The following IGFL1 variants were observed in gnomAD, a reference collection of about 807,000 sequenced individuals.
IGFL1 encodes the protein IGF like family member 1.
A neutral mutation model predicts 16.0 loss-of-function variants in IGFL1; 16 were observed. That is an observed-to-expected ratio of 1.00 (90% CI 0.68 to 1.52). The LOEUF (loss-of-function observed/expected upper bound fraction) is 1.52. IGFL1 is among the 40% of genes most tolerant of loss of function. The pLI is 0.00. For missense variants in IGFL1, 149 were observed against 141.7 expected (o/e 1.05, Z -0.26); for synonymous variants, 59 against 54.0 (o/e 1.09, Z -0.41).
At chr19:46,229,985 T>G in intron 1 of IGFL1, 123 bp from the exon 2 acceptor site, 1 of 1,301,078 alleles carries the variant, frequency 7.7e-7, no homozygotes, top group South Asian at 1.2e-5. Context: ...CAGCCCTGTT[T>G]CAGTCCCTGA....
At chr19:46,230,586 G>T in intron 3 of IGFL1, 69 bp downstream of exon 3, 1 of 1,588,002 alleles carries the variant, frequency 6.3e-7, no homozygotes, top group East Asian at 2.2e-5. Flanking sequence ...CCTGGGTGGA[G>T]CCCCCATTCT....
At position 46,229,763 on chromosome 19, in the gene IGFL1, C is replaced by A. The variant is rs1344958071; in HGVS notation, c.-12C>A. The stretch of plus-strand genomic sequence containing the variant: ...TGATCCCCTCCTCACTCCACTGCAA[C>A]CACCCAGAGCCATGGCTCCCCGAGG... On this transcript the variant is annotated 5_prime_UTR_variant, in exon 1 of 4. Coordinates refer to ENST00000437936, the MANE Select transcript of IGFL1 (RefSeq NM_198541.2). 6 of 1,603,712 alleles carry A rather than the reference C, an allele frequency of 3.7e-6. No individual in the cohort carries two copies. In the South Asian group the frequency reaches 4.5e-5, roughly 12 times the overall value.
intron 3 of IGFL1, 81 bp downstream of exon 3, chr19:46,230,598 C>T: frequency 1.3e-6 from 2 of 1,572,956 alleles, no homozygotes; most frequent in Non-Finnish European, 1.7e-6. Context: ...CCCCATTCTC[C>T]TTGTCTCCCT....
rs1365657940 is a variant in IGFL1, at chr19:46,230,162, G to A, written c.79+1G>A. The stretch of plus-strand genomic sequence containing the variant: ...CTCCTCTGCTCACACGGAGCCCCAG[G>A]TGAGCCCAGGAGTGTTTGGGAAGCT... On this transcript the variant is annotated splice_donor_variant, in intron 2 of 3. Coordinates refer to ENST00000437936, the MANE Select transcript of IGFL1 (RefSeq NM_198541.2). LOFTEE classifies it high-confidence loss of function. 3 of 1,613,926 alleles carry A rather than the reference G, an allele frequency of 1.9e-6. No individual in the cohort carries two copies. The highest frequency in any genetic ancestry group is 2.2e-5 in the East Asian group (1 of 44,878).
rs376555746 is a variant in IGFL1 at position 46,230,282 on chromosome 19, A to G, written c.88A>G (p.Met30Val). The G allele has an allele frequency of 9.3e-6, 15 of 1,613,830 alleles. No homozygotes were observed. In the African/African-American group the frequency reaches 2.0e-4, roughly 22 times the overall value. The change falls in exon 3 of 4, where the codon ATG (methionine) becomes GTG (valine). Residue 30 changes from methionine to valine, a missense_variant. Transcript: ENST00000437936. ...AGCTCTGTCTCCTCCAGTGGCCCCC[A>G]TGACTCCTTACCTGATGCTGTGCCA... ...LCSHGAPVAP[M>V]TPYLMLCQPH...
Position 46,230,256 on chromosome 19 carries a change from C to T in IGFL1, c.80-18C>T. ...CCTGCCACTACCTCCTGGATCTCAC[C>T]AGCTCTGTCTCCTCCAGTGGCCCCC... is the stretch of plus-strand genomic sequence containing the variant. On this transcript the variant is annotated intron_variant, in intron 2 of 3. Coordinates refer to ENST00000437936, the MANE Select transcript of IGFL1 (RefSeq NM_198541.2). 6.2e-7 allele frequency: 1 copy of T among 1,613,864 alleles called. No homozygotes were observed.
Position 46,230,860 on chromosome 19 carries a change from A to G in IGFL1, c.*30A>G. 9 of 1,603,756 alleles carry G rather than the reference A, an allele frequency of 5.6e-6. No individual in the cohort carries two copies. The highest frequency in any genetic ancestry group is 7.7e-6 in the Non-Finnish European group (9 of 1,174,050). On this transcript the variant is annotated 3_prime_UTR_variant, in exon 4 of 4. Transcript: ENST00000437936. ...ACATCAGGGGAACGATGACTCCTGGATTCTCCTTCCTGGGTGGGCCTGGAG... is the reference window on the plus strand; with the variant it reads ...ACATCAGGGGAACGATGACTCCTGGGTTCTCCTTCCTGGGTGGGCCTGGAG...
Position 46,229,813 on chromosome 19 carries a change from G to A in IGFL1, c.25+14G>A, listed in dbSNP as rs759245323. On this transcript the variant is annotated intron_variant, in intron 1 of 3. Transcript: ENST00000437936. ...GCTGCATCGTAGGTAAGGAGGACAGGACCCCATTCCCACCTGAGCCCATCT... is the reference window on the plus strand; with the variant it reads ...GCTGCATCGTAGGTAAGGAGGACAGAACCCCATTCCCACCTGAGCCCATCT... 4.3e-5 allele frequency: 69 copies of A among 1,604,926 alleles called. No homozygotes were observed. Among genetic ancestry groups the A allele is most frequent in the Non-Finnish European group, 4.6e-5 (54 of 1,176,212 alleles).
At position 46,230,302 on chromosome 19, in the gene IGFL1, G is replaced by A; in HGVS notation, c.108G>A (p.Leu36=). The A allele has an allele frequency of 1.9e-6, 3 of 1,613,980 alleles. No individual in the cohort carries two copies. The highest frequency in any genetic ancestry group is 2.5e-6 in the Non-Finnish European group (3 of 1,179,886). The change falls in exon 3 of 4, where the codon CTG becomes CTA. Residue 36 remains leucine, a synonymous_variant. Transcript: ENST00000437936. ...PVAPMTPYLM[L]CQPHKRCGDK... ...CCCCCATGACTCCTTACCTGATGCT[G>A]TGCCAGCCACACAAGAGATGTGGGG...
chr19:46,229,979 C>G (rs948234951), intron 1 of IGFL1, 129 bp from the exon 2 acceptor site: 1 of 1,264,574 alleles, frequency 7.9e-7, no homozygotes, highest in African/African-American at 1.5e-5. Flanking sequence ...CATCCACAGC[C>G]CTGTTTCAGT....
Position 46,230,474 on chromosome 19 carries a change from A to C in IGFL1, c.280A>C (p.Asn94His). ...CTTCATGGTGAAGCTGATAAACCAG[A>C]ACTGCGACTCAGCCCGGACCTCGGA... The part of the protein sequence containing the change: ...WTFMVKLINQ[N>H]CDSARTSDDR... The change falls in exon 3 of 4, where the codon AAC (asparagine) becomes CAC (histidine). Residue 94 changes from asparagine (N) to histidine (H), a missense_variant. Coordinates refer to ENST00000437936, the MANE Select transcript of IGFL1 (RefSeq NM_198541.2). The C allele has an allele frequency of 6.2e-7, 1 of 1,614,012 alleles. No homozygotes were observed. The highest frequency in any genetic ancestry group is 8.5e-7 in the Non-Finnish European group (1 of 1,179,892).
chr19:46,230,284 G>A lies in IGFL1; in HGVS notation c.90G>A (p.Met30Ile). The change falls in exon 3 of 4, where the codon ATG (methionine) becomes ATA (isoleucine). Residue 30 changes from methionine (M) to isoleucine (I), a missense_variant. Physicochemically the swap from Met to Ile is conservative, Grantham distance 10. Transcript: ENST00000437936. ...CTCTGTCTCCTCCAGTGGCCCCCAT[G>A]ACTCCTTACCTGATGCTGTGCCAGC... ...LCSHGAPVAP[M>I]TPYLMLCQPH... 6.2e-7 allele frequency: 1 copy of A among 1,613,974 alleles called. No homozygotes were observed. The highest frequency in any genetic ancestry group is 8.5e-7 in the Non-Finnish European group (1 of 1,179,884).
chr19:46,230,713 G>T, intron 3 of IGFL1, 108 bp from the exon 4 acceptor site: 1 of 1,409,118 alleles, frequency 7.1e-7, no homozygotes, highest in East Asian at 2.3e-5. Context: ...CTACCCCGCT[G>T]TCCTCTCCTC....
rs767934335 is a variant in IGFL1, at chr19:46,230,476, C to G, written c.282C>G (p.Asn94Lys). The G allele has an allele frequency of 2.5e-6, 4 of 1,613,946 alleles. No homozygotes were observed. The highest frequency in any genetic ancestry group is 1.1e-5 in the South Asian group (1 of 91,090). The change falls in exon 3 of 4, where the codon AAC becomes AAG. Residue 94 changes from asparagine (N) to lysine (K), a missense_variant. Asn to Lys is a moderately conservative substitution (Grantham distance 94). Coordinates refer to ENST00000437936, the MANE Select transcript of IGFL1 (RefSeq NM_198541.2). The part of the protein sequence containing the change: ...WTFMVKLINQ[N>K]CDSARTSDDR... ...TCATGGTGAAGCTGATAAACCAGAA[C>G]TGCGACTCAGCCCGGACCTCGGATG... is the stretch of plus-strand genomic sequence containing the variant.
intron 1 of IGFL1, 54 bp from the exon 2 acceptor site, chr19:46,230,054 C>T (rs1601125377): frequency 2.5e-6 from 4 of 1,583,360 alleles, no homozygotes; most frequent in Non-Finnish European, 3.5e-6. Context: ...ATGTCAGTGC[C>T]AGTCATATCT....
Position 46,230,518 on chromosome 19 carries a change from G to T in IGFL1, c.323+1G>T, listed in dbSNP as rs746442604. The T allele has an allele frequency of 6.2e-7, 1 of 1,613,648 alleles. No individual in the cohort carries two copies. Among genetic ancestry groups the T allele is most frequent in the South Asian group, 1.1e-5 (1 of 91,074 alleles). ...CCTCGGATGACAGGCTTTGTCGCAG[G>T]TGAGTCCTGTCCCCTCCGTGGGATT... On this transcript the variant is annotated splice_donor_variant, in intron 3 of 3. Transcript: ENST00000437936. LOFTEE classifies it high-confidence loss of function.
chr19:46,231,231 C>T lies in IGFL1; in HGVS notation c.*401C>T, dbSNP rs534807396. ...CACAGGATCATAATAAATTTATGTA[C>T]TTTATAAATGAATGCTGTAGAATTC... On this transcript the variant is annotated 3_prime_UTR_variant, in exon 4 of 4. Coordinates refer to ENST00000437936, the MANE Select transcript of IGFL1 (RefSeq NM_198541.2). 3.5e-6 allele frequency: 1 copy of T among 282,632 alleles called. No individual in the cohort carries two copies. Among genetic ancestry groups the T allele is most frequent in the Non-Finnish European group, 6.9e-6 (1 of 145,214 alleles). 17.5% of individuals were successfully genotyped at this position (282,632 alleles called of 1,614,324 possible). A position where few individuals can be genotyped will look rare whatever the true frequency, so the allele number is the denominator to read the frequency against.
At position 46,230,105 on chromosome 19, in the gene IGFL1, C is replaced by T. The variant is rs374543215; in HGVS notation, c.26-3C>T. The T allele has an allele frequency of 7.4e-6, 12 of 1,613,326 alleles. No homozygotes were observed. The highest frequency in any genetic ancestry group is 9.3e-6 in the Non-Finnish European group (11 of 1,179,800). Reference sequence around the variant, plus strand: ...CCCCATCTTCCCTTTCCCTTTCCCACAGCTGTCTTTGCCATTTTCTGCATC... The same window carrying T: ...CCCCATCTTCCCTTTCCCTTTCCCATAGCTGTCTTTGCCATTTTCTGCATC... On this transcript the variant is annotated splice_region_variant and splice_polypyrimidine_tract_variant and intron_variant, in intron 1 of 3. Coordinates refer to ENST00000437936, the MANE Select transcript of IGFL1 (RefSeq NM_198541.2).
intron 1 of IGFL1, 82 bp downstream of exon 1, chr19:46,229,881 A>C: frequency 6.8e-7 from 1 of 1,464,430 alleles, no homozygotes; most frequent in Non-Finnish European, 9.4e-7. Flanking sequence ...ACCCCAAACT[A>C]CACCTCATCC....
Sources: allele counts gnomAD v4.1 joint callset, GRCh38; gene constraint gnomAD v4.1.1; transcripts MANE v1.5; gene names NCBI Gene and HGNC (gene_info 2026-07-23, HGNC 2026-07-21).